Variants in HSD17B12 observed in about 807,000 individuals in gnomAD.
The protein encoded by HSD17B12 is hydroxysteroid 17-beta dehydrogenase 12, also known as very-long-chain 3-oxoacyl-CoA reductase.
A neutral mutation model predicts 39.3 loss-of-function variants in HSD17B12; 32 were observed. The observed-to-expected ratio is 0.81, with a 90% confidence interval of 0.61 to 1.09. The LOEUF (loss-of-function observed/expected upper bound fraction) is 1.09. HSD17B12 is among the 50% of genes least tolerant of loss of function. The pLI is 0.00. For synonymous variants in HSD17B12, 150 were observed against 146.7 expected (o/e 1.02, Z -0.16); for missense variants, 342 against 382.9 (o/e 0.89, Z 0.89).
the HSD17B12 span, among the ~76,000 whole-genome samples, chr11:43,633,077 G>A: frequency 2.6e-4 from 39 of 152,262 alleles, no homozygotes; most frequent in African/African-American, 9.1e-4. Flanking sequence ...TGAAGTCTGG[G>A]CTTTTAGTGT....
the HSD17B12 span, among the ~76,000 whole-genome samples, chr11:43,605,098 C>T: frequency 1.2e-4 from 18 of 152,166 alleles, no homozygotes; most frequent in African/African-American, 4.1e-4. Flanking sequence ...TGTTTTGCTA[C>T]AGCAAAAGCA....
At position 43,815,509 on chromosome 11, in the gene HSD17B12, T is replaced by C; in HGVS notation, c.456+8T>C. Reference sequence around the variant, plus strand: ...GTTCCTGACTTGGACAATGTAAGTCTTTCTTTGTGTATTATGGTAACAAAA... The same window carrying C: ...GTTCCTGACTTGGACAATGTAAGTCCTTCTTTGTGTATTATGGTAACAAAA... On this transcript the variant is annotated splice_region_variant and intron_variant, in intron 5 of 10. Coordinates refer to ENST00000278353, the MANE Select transcript of HSD17B12 (RefSeq NM_016142.3). 1.3e-6 allele frequency: 2 copies of C among 1,529,668 alleles called. No individual in the cohort carries two copies. The highest frequency in any genetic ancestry group is 1.8e-6 in the Non-Finnish European group (2 of 1,114,610). The allele number at this position is 1,529,668 out of a possible 1,614,324, so 94.8% of individuals were successfully genotyped here.
At chr11:43,824,814 A>G (rs1352412185) in intron 6 of HSD17B12, among the ~76,000 whole-genome samples, 1 of 151,872 alleles carries the variant, frequency 6.6e-6, no homozygotes, top group Admixed American at 6.6e-5. Flanking sequence ...TGGCCAACAT[A>G]GTGAAACCCC....
At chr11:43,799,457 A>G (rs949008964) in intron 4 of HSD17B12, among the ~76,000 whole-genome samples, 3 of 152,146 alleles carry the variant, frequency 2.0e-5, no homozygotes, top group Non-Finnish European at 4.4e-5. Context: ...TTTTATTGGG[A>G]TAATCAGAAT....
intron 7 of HSD17B12, among the ~76,000 whole-genome samples, chr11:43,837,046 T>C (rs994837863): frequency 2.0e-5 from 3 of 152,190 alleles, no homozygotes; most frequent in African/African-American, 7.2e-5. Flanking sequence ...TAAGGACTTC[T>C]GTTAAACAAC....
intron 1 of HSD17B12, among the ~76,000 whole-genome samples, chr11:43,693,700 C>T (rs1329372119): frequency 6.6e-6 from 1 of 152,082 alleles, no homozygotes; most frequent in African/African-American, 2.4e-5. Flanking sequence ...ATTTAAATAC[C>T]AGTGTAAAAA....
At chr11:43,657,391 G>A in the HSD17B12 span, among the ~76,000 whole-genome samples, 1 of 152,206 alleles carries the variant, frequency 6.6e-6, no homozygotes, top group South Asian at 2.1e-4. Flanking sequence ...GGAGCATTTA[G>A]CGCATTTACA....
At chr11:43,778,074 T>C (rs2135003387) in intron 3 of HSD17B12, among the ~76,000 whole-genome samples, 1 of 151,668 alleles carries the variant, frequency 6.6e-6, no homozygotes, top group East Asian at 1.9e-4. Context: ...TCAACAAAAT[T>C]GATAAACCGC....
At chr11:43,660,874 C>A in the HSD17B12 span, among the ~76,000 whole-genome samples, 1 of 152,150 alleles carries the variant, frequency 6.6e-6, no homozygotes, top group Non-Finnish European at 1.5e-5. Context: ...CCTGTAATCC[C>A]AACACTTTGG....
intron 1 of HSD17B12, among the ~76,000 whole-genome samples, chr11:43,686,653 G>T (rs1949803064): frequency 7.0e-6 from 1 of 142,272 alleles, no homozygotes; most frequent in Non-Finnish European, 1.5e-5. Flanking sequence ...TTCCTATTTA[G>T]AGGTCAAACT....
chr11:43,772,633 A>T (rs1227791202), intron 3 of HSD17B12, among the ~76,000 whole-genome samples: 2 of 152,352 alleles, frequency 1.3e-5, no homozygotes, highest in East Asian at 3.9e-4. Flanking sequence ...TAATATATTT[A>T]AAAAGCAAGT....
intron 3 of HSD17B12, among the ~76,000 whole-genome samples, chr11:43,775,001 A>G (rs888069276): frequency 4.6e-5 from 7 of 152,186 alleles, no homozygotes; most frequent in African/African-American, 1.4e-4. Flanking sequence ...GCCTCACCCA[A>G]TCAGGTGAGC....
At chr11:43,718,796 C>G (rs555459812) in intron 1 of HSD17B12, 5 of 958,270 alleles carry the variant, frequency 5.2e-6, no homozygotes, top group Non-Finnish European at 6.7e-6. Context: ...AAAGAAGACC[C>G]GCACGTCACC....
the HSD17B12 span, among the ~76,000 whole-genome samples, chr11:43,653,087 G>T: frequency 1.3e-5 from 2 of 152,008 alleles, no homozygotes; most frequent in Admixed American, 6.6e-5. Context: ...TGGGCTGGTG[G>T]AAGGAGGGCA....
chr11:43,776,408 G>A (rs1950704294), intron 3 of HSD17B12, among the ~76,000 whole-genome samples: 1 of 152,066 alleles, frequency 6.6e-6, no homozygotes, highest in African/African-American at 2.4e-5. Flanking sequence ...GTCTTCTTTT[G>A]AGAAGTGTCT....
chr11:43,850,563 A>G (rs1283217343), intron 9 of HSD17B12, among the ~76,000 whole-genome samples: 1 of 152,170 alleles, frequency 6.6e-6, no homozygotes, highest in African/African-American at 2.4e-5. Context: ...TGTTTAGTAC[A>G]CAGATGATGA....
intron 1 of HSD17B12, among the ~76,000 whole-genome samples, chr11:43,738,508 T>G (rs1165938794): frequency 1.3e-5 from 2 of 152,142 alleles, no homozygotes; most frequent in African/African-American, 2.4e-5. Context: ...TCTGTTAAAG[T>G]TCTTGAAAAT....
chr11:43,619,198 GAT>G, the HSD17B12 span, among the ~76,000 whole-genome samples: 973 of 42,270 alleles, frequency 0.023, 16 homozygotes, highest in African/African-American at 0.042. Context: ...ATATATATAT[GAT>G]ATATATATAT....
chr11:43,639,617 C>G, the HSD17B12 span, among the ~76,000 whole-genome samples: 10 of 151,868 alleles, frequency 6.6e-5, no homozygotes, highest in African/African-American at 2.4e-4. Context: ...TAGAAGGAAC[C>G]TCTGCTTAGT....
Sources: gnomAD v4.1 joint callset for allele counts (sites outside exome capture counted in the v4.1 genomes callset) on GRCh38, gnomAD v4.1.1 for gene constraint, MANE v1.5 for transcripts, NCBI Gene and HGNC (gene_info 2026-07-23, HGNC 2026-07-21) for gene names.